The following IFT80 variants were observed in gnomAD, a reference collection of about 807,000 sequenced individuals.
IFT80 encodes intraflagellar transport 80, also known as intraflagellar transport protein 80 homolog.
In IFT80, 79 loss-of-function variants were observed where a neutral mutation model predicts 107.9. That is an observed-to-expected ratio of 0.73 (90% CI 0.61 to 0.88). The LOEUF is 0.88. Ranked by LOEUF, IFT80 falls within the 40% of genes least tolerant of loss-of-function variation. The pLI is 0.00. For missense variants in IFT80, 797 were observed against 914.2 expected (o/e 0.87, Z 1.65); for synonymous variants, 299 against 300.9 (o/e 0.99, Z 0.07).
chr3:160,260,475 C>T (rs947366815), intron 19 of IFT80, among the ~76,000 whole-genome samples: 30 of 152,134 alleles, frequency 2.0e-4, no homozygotes, highest in African/African-American at 7.0e-4. Context: ...TGATAATATA[C>T]TGAACAACTG....
At chr3:160,289,776 G>T (rs1715387600) in intron 12 of IFT80, among the ~76,000 whole-genome samples, 1 of 152,132 alleles carries the variant, frequency 6.6e-6, no homozygotes, top group African/African-American at 2.4e-5. Context: ...AAAGATTCAG[G>T]AAAGAGCCTG....
chr3:160,334,618 T>C (rs1333870010), intron 8 of IFT80, among the ~76,000 whole-genome samples: 3 of 152,146 alleles, frequency 2.0e-5, no homozygotes, highest in Non-Finnish European at 4.4e-5. Flanking sequence ...GGTTTCACCA[T>C]ATTAGCCAGG....
In IFT80 at chr3:160,300,895, C is replaced by T. The variant is rs747879864; in HGVS notation, c.1303G>A (p.Ala435Thr). 7 of 1,605,128 alleles carry T rather than the reference C, an allele frequency of 4.4e-6. No homozygotes were observed. In the South Asian group the frequency reaches 7.9e-5, roughly 18 times the overall value. Residue 435 changes from alanine (A) to threonine (T), a missense_variant, in exon 12 of 20, where the codon GCT becomes ACT. Transcript: ENST00000326448. ...AAAATATACTTACTTTTTTCATCAG[C>T]TTTGTCTCTTATTGCTATGGTATCA... Reference protein sequence around the residue: ...SNDTIAIRDKADEKIIFLFEA... With the variant: ...SNDTIAIRDKTDEKIIFLFEA...
intron 8 of IFT80, among the ~76,000 whole-genome samples, chr3:160,345,450 G>A (rs149628259): frequency 0.078 from 11,861 of 152,086 alleles, 667 homozygotes; most frequent in Non-Finnish European, 0.12. Flanking sequence ...ACTTTGGGAG[G>A]CCAAGGTGGG....
At chr3:160,349,967 A>T (rs564839710) in intron 8 of IFT80, among the ~76,000 whole-genome samples, 1 of 152,292 alleles carries the variant, frequency 6.6e-6, no homozygotes, top group South Asian at 2.1e-4. Flanking sequence ...CCCTCCAGAC[A>T]TTAGTTCTCA....
rs543481961 is a variant in IFT80, at chr3:160,373,167, T to C, written c.439+2645A>G. On this transcript the variant is annotated intron_variant, in intron 5 of 19. Transcript: ENST00000326448. ...AAGTGATCCACCCATCTTGGCCTCC[T>C]GAAGTGCTGGGATTACAGGAGTGAG... is the stretch of plus-strand genomic sequence containing the variant. Among the ~76,000 whole-genome samples, 19 of 152,210 alleles carry C rather than the reference T, an allele frequency of 1.2e-4. No individual in the cohort carries two copies. The South Asian group carries it at 3.5e-3, about 28-fold the overall frequency.
chr3:160,392,288 A>G (rs1713442797), intron 1 of IFT80, among the ~76,000 whole-genome samples: 1 of 152,220 alleles, frequency 6.6e-6, no homozygotes. Context: ...GCCATGGTGA[A>G]CTCATCCAGT....
intron 19 of IFT80, among the ~76,000 whole-genome samples, chr3:160,266,769 T>C (rs1713365338): frequency 6.6e-6 from 1 of 152,200 alleles, no homozygotes; most frequent in South Asian, 2.1e-4. Flanking sequence ...CAGAGTAGTT[T>C]AATCTGCTTT....
At chr3:160,348,881 T>C (rs1431329597) in intron 8 of IFT80, among the ~76,000 whole-genome samples, 3 of 151,952 alleles carry the variant, frequency 2.0e-5, no homozygotes, top group Non-Finnish European at 4.4e-5. Flanking sequence ...GACAAATCTA[T>C]AGGAAAAAAA....
At chr3:160,310,766 A>G (rs1481168385) in intron 9 of IFT80, among the ~76,000 whole-genome samples, 2 of 152,208 alleles carry the variant, frequency 1.3e-5, no homozygotes, top group Non-Finnish European at 2.9e-5. Flanking sequence ...GTGATGCAAC[A>G]GGAAGTGCAC....
At chr3:160,343,680 TTTG>T (rs1720081106) in intron 8 of IFT80, 1 of 226,594 alleles carries the variant, frequency 4.4e-6, no homozygotes, top group Non-Finnish European at 9.0e-6. Context: ...AGTTTCTATA[TTTG>T]TTTTTATATT....
chr3:160,283,785 T>C (rs1714881729), intron 13 of IFT80, among the ~76,000 whole-genome samples: 1 of 152,218 alleles, frequency 6.6e-6, no homozygotes, highest in South Asian at 2.1e-4. Context: ...GTAATGCCTA[T>C]GTACATAGGG....
intron 9 of IFT80, among the ~76,000 whole-genome samples, chr3:160,318,835 T>C (rs1718004732): frequency 6.6e-6 from 1 of 152,068 alleles, no homozygotes; most frequent in Admixed American, 6.6e-5. Context: ...TCTTCTTCCC[T>C]AATACAGGTC....
At position 160,301,032 on chromosome 3, in the gene IFT80, A is replaced by T; in HGVS notation, c.1166T>A (p.Val389Glu). Residue 389 changes from valine (V) to glutamate (E), a missense_variant, in exon 12 of 20, where the codon GTA becomes GAA. Val to Glu is a moderately radical substitution (Grantham distance 121). Coordinates refer to ENST00000326448, the MANE Select transcript of IFT80 (RefSeq NM_020800.3). The part of the protein sequence containing the change: ...ILQAERHFLL[V>E]DGSSIYLYSY... ...ATATAAATAGATACTACTACCATCTACAAGAAGAAAATGTCTAAAAAATAA... is the reference window on the plus strand; with the variant it reads ...ATATAAATAGATACTACTACCATCTTCAAGAAGAAAATGTCTAAAAAATAA... 1 of 1,578,056 alleles carries T rather than the reference A, an allele frequency of 6.3e-7. No homozygotes were observed. The highest frequency in any genetic ancestry group is 8.7e-7 in the Non-Finnish European group (1 of 1,153,784).
chr3:160,290,002 G>A (rs1383329830), intron 12 of IFT80, among the ~76,000 whole-genome samples: 1 of 152,168 alleles, frequency 6.6e-6, no homozygotes, highest in Non-Finnish European at 1.5e-5. Flanking sequence ...GTGAAAGTTT[G>A]AATGAAAACT....
rs138125940 is a variant in IFT80, at chr3:160,328,992, G to A, written c.778-9053C>T. Among the ~76,000 whole-genome samples, 970 of 152,182 alleles carry A rather than the reference G, an allele frequency of 6.4e-3. 25 individuals are homozygous for A. The highest frequency in any genetic ancestry group is 0.046 in the Admixed American group (700 of 15,272). ...GGGACAATGCACACTGGGTCCTACT[G>A]GAGGGTGGAGGGTGGGAGGGAGGAG... is the stretch of plus-strand genomic sequence containing the variant. On this transcript the variant is annotated intron_variant, in intron 8 of 19. Coordinates refer to ENST00000326448, the MANE Select transcript of IFT80 (RefSeq NM_020800.3).
At chr3:160,289,786 G>A (rs1375029434) in intron 12 of IFT80, among the ~76,000 whole-genome samples, 1 of 152,128 alleles carries the variant, frequency 6.6e-6, no homozygotes, top group Non-Finnish European at 1.5e-5. Context: ...GAAAGAGCCT[G>A]GGTTCCTTGG....
intron 12 of IFT80, among the ~76,000 whole-genome samples, chr3:160,296,945 C>A (rs1184757416): frequency 2.0e-5 from 3 of 152,288 alleles, no homozygotes; most frequent in South Asian, 2.1e-4. Flanking sequence ...CCTTATCTGA[C>A]AACCCTTGAT....
intron 8 of IFT80, among the ~76,000 whole-genome samples, chr3:160,345,467 G>T (rs928026894): frequency 6.6e-6 from 1 of 151,942 alleles, no homozygotes; most frequent in Non-Finnish European, 1.5e-5. Flanking sequence ...TGGGTGGATC[G>T]CTTAAGGTCA....
Sources: allele counts gnomAD v4.1 joint callset (sites outside exome capture counted in the v4.1 genomes callset), GRCh38; gene constraint gnomAD v4.1.1; transcripts MANE v1.5; gene names NCBI Gene and HGNC (gene_info 2026-07-23, HGNC 2026-07-21).